Variants in IQCN observed in about 807,000 individuals in gnomAD.
IQCN encodes IQ domain-containing protein N.
Under a neutral mutation model 64.4 loss-of-function variants are expected in IQCN, and 46 were observed. That is an observed-to-expected ratio of 0.71 (90% confidence interval 0.56 to 0.91). IQCN has a LOEUF of 0.91. IQCN is among the 40% of genes least tolerant of loss of function. The probability of loss-of-function intolerance (pLI) is 0.00; values close to 1 mark genes in which losing one functional copy is unlikely to be tolerated. For missense variants in IQCN, 1,753 were observed against 1,857.4 expected (o/e 0.94, Z 1.03); for synonymous variants, 733 against 775.6 (o/e 0.95, Z 0.91).
Position 18,264,446 on chromosome 19 carries a change from C to T in IQCN, c.3094G>A (p.Ala1032Thr). 6.4e-7 allele frequency: 1 copy of T among 1,550,704 alleles called. No individual in the cohort carries two copies. The highest frequency in any genetic ancestry group is 8.7e-7 in the Non-Finnish European group (1 of 1,146,640). ...STGSGVTKTPALVKVACRRSP... is the reference protein window; with the variant it reads ...STGSGVTKTPTLVKVACRRSP... ...CTCCTGCAGGCCACCTTCACCAGGG[C>T]CGGCGTCTTAGTCACCCCGCTTCCT... The change falls in exon 3 of 4, where the codon GCC (alanine) becomes ACC (threonine). Residue 1032 changes from alanine to threonine, a missense_variant. Coordinates refer to ENST00000392413, the MANE Select transcript of IQCN (RefSeq NM_001145304.2). The surrounding 1 kb of genome is among the most constrained non-coding windows in gnomAD (Gnocchi z 4.3).
chr19:18,272,768 G>A (rs931422403), intron 1 of IQCN, among the ~76,000 whole-genome samples: 2 of 151,418 alleles, frequency 1.3e-5, no homozygotes, highest in Non-Finnish European at 2.9e-5. Context: ...CTGCCACCAC[G>A]CCCAGTTAAT....
chr19:18,266,211 C>G lies in IQCN; in HGVS notation c.1329G>C (p.Gln443His). ...LLASIMKSLP[Q>H]VCPGPAMAKT... Reference sequence around the variant, plus strand: ...TTGCCATCGCAGGCCCCGGGCATACCTGGGGCAGGCTCTTCATGATGGAAG... The same window carrying G: ...TTGCCATCGCAGGCCCCGGGCATACGTGGGGCAGGCTCTTCATGATGGAAG... The change falls in exon 3 of 4, where the codon CAG (glutamine) becomes CAC (histidine). Residue 443 changes from glutamine (Q) to histidine (H), a missense_variant. By Grantham distance (24) the Gln-to-His change is conservative. Transcript: ENST00000392413. This position sits in a 1 kb window ranked among gnomAD's most constrained non-coding sequence, Gnocchi z 4.3. 1.2e-6 allele frequency: 2 copies of G among 1,613,972 alleles called. No individual in the cohort carries two copies. Among genetic ancestry groups the G allele is most frequent in the Non-Finnish European group, 1.7e-6 (2 of 1,179,976 alleles).
At chr19:18,274,089 G>C (rs1184718700) in intron 1 of IQCN, among the ~76,000 whole-genome samples, 1 of 152,054 alleles carries the variant, frequency 6.6e-6, no homozygotes, top group African/African-American at 2.4e-5. Context: ...TGGGCAACAT[G>C]TCTCTATTTA....
chr19:18,264,683 C>T lies in IQCN; in HGVS notation c.2857G>A (p.Ala953Thr). 1 of 1,551,282 alleles carries T rather than the reference C, an allele frequency of 6.4e-7. No homozygotes were observed. The highest frequency in any genetic ancestry group is 8.7e-7 in the Non-Finnish European group (1 of 1,146,976). The change falls in exon 3 of 4, where the codon GCC (alanine) becomes ACC (threonine). Residue 953 changes from alanine (A) to threonine (T), a missense_variant. Ala to Thr is a moderately conservative substitution (Grantham distance 58). Transcript: ENST00000392413. This position sits in a 1 kb window ranked among gnomAD's most constrained non-coding sequence, Gnocchi z 4.3. ...GCCCGCAGCTCGCCCCGGGACAGGG[C>T]TCGGGACAGGGTCAGGCGCAGCTCA... ...WSELRLTLSRALSRGELRAEL... is the reference protein window; with the variant it reads ...WSELRLTLSRTLSRGELRAEL...
At position 18,265,621 on chromosome 19, in the gene IQCN, T is replaced by C; in HGVS notation, c.1919A>G (p.Glu640Gly). ...GAPSWTKVAE[E>G]GDKPPHVYVP... is the part of the protein sequence containing the mutation. Reference sequence around the variant, plus strand: ...ATACACGTGAGGTGGCTTGTCCCCTTCCTCAGCAACTTTTGTCCAGGATGG... The same window carrying C: ...ATACACGTGAGGTGGCTTGTCCCCTCCCTCAGCAACTTTTGTCCAGGATGG... Residue 640 changes from glutamate to glycine, a missense_variant, in exon 3 of 4, where the codon GAA becomes GGA. Physicochemically the swap from Glu to Gly is moderately conservative, Grantham distance 98 (BLOSUM62 -2). Coordinates refer to ENST00000392413, the MANE Select transcript of IQCN (RefSeq NM_001145304.2). The surrounding 1 kb of genome is among the most constrained non-coding windows in gnomAD (Gnocchi z 4.7). 6.2e-7 allele frequency: 1 copy of C among 1,614,076 alleles called. No individual in the cohort carries two copies. Among genetic ancestry groups the C allele is most frequent in the African/African-American group, 1.3e-5 (1 of 75,022 alleles).
chr19:18,264,647 T>A lies in IQCN; in HGVS notation c.2893A>T (p.Lys965Ter). ...SRGELRAELT[K>*]VMQGKLAEVL... ...TCGGCCAATTTACCCTGCATGACCT[T>A]GGTGAGTTCCGCCCGCAGCTCGCCC... The change falls in exon 3 of 4, where the codon AAG becomes TAG. Residue 965 changes from lysine to a stop codon, truncating the protein, a stop_gained. Coordinates refer to ENST00000392413, the MANE Select transcript of IQCN (RefSeq NM_001145304.2). LOFTEE classifies it high-confidence loss of function. This position sits in a 1 kb window ranked among gnomAD's most constrained non-coding sequence, Gnocchi z 4.3. 2 of 1,551,322 alleles carry A rather than the reference T, an allele frequency of 1.3e-6. No individual in the cohort carries two copies. The highest frequency in any genetic ancestry group is 1.7e-6 in the Non-Finnish European group (2 of 1,146,954).
chr19:18,269,291 AGAAG>A (rs1969681871), intron 2 of IQCN, among the ~76,000 whole-genome samples, 171 bp downstream of exon 2: 1 of 152,136 alleles, frequency 6.6e-6, no homozygotes, highest in South Asian at 2.1e-4. Context: ...AAGGATGGAA[AGAAG>A]GAAGAAAAAG....
rs541126673 is a variant in IQCN, at chr19:18,266,486, G to A, written c.1054C>T (p.Gln352Ter). The change falls in exon 3 of 4, where the codon CAG becomes TAG. Residue 352 changes from glutamine (Q) to a stop codon, truncating the protein, a stop_gained. Coordinates refer to ENST00000392413, the MANE Select transcript of IQCN (RefSeq NM_001145304.2). LOFTEE classifies it high-confidence loss of function. The surrounding 1 kb of genome is among the most constrained non-coding windows in gnomAD (Gnocchi z 4.3). ...TYPVVSVTLPQTYPASTMTTT... is the reference protein window; with the variant it reads ...TYPVVSVTLP ...GTCATCGTGGACGCTGGATATGTCT[G>A]TGGCAGGGTCACGGAGACCACTGGA... The A allele has an allele frequency of 6.3e-7, 1 of 1,595,918 alleles. No individual in the cohort carries two copies. Among genetic ancestry groups the A allele is most frequent in the Non-Finnish European group, 8.5e-7 (1 of 1,170,396 alleles).
chr19:18,264,999 C>G lies in IQCN; in HGVS notation c.2541G>C (p.Glu847Asp). The stretch of plus-strand genomic sequence containing the variant: ...GTGTGGCTCCGTTGTCTCCCCAGGA[C>G]TCAACGTTGCATGTGGAATGGCCGG... ...APTGHSTCNV[E>D]SWGDNGATRA... Residue 847 changes from glutamate to aspartate, a missense_variant, in exon 3 of 4, where the codon GAG becomes GAC. Physicochemically the swap from Glu to Asp is conservative, Grantham distance 45. Coordinates refer to ENST00000392413, the MANE Select transcript of IQCN (RefSeq NM_001145304.2). The surrounding 1 kb of genome is among the most constrained non-coding windows in gnomAD (Gnocchi z 4.3). 6.2e-7 allele frequency: 1 copy of G among 1,605,572 alleles called. No homozygotes were observed. Among genetic ancestry groups the G allele is most frequent in the Non-Finnish European group, 8.5e-7 (1 of 1,179,866 alleles).
rs765627790 is a variant in IQCN, at chr19:18,264,446, C to A, written c.3094G>T (p.Ala1032Ser). The A allele has an allele frequency of 2.2e-5, 34 of 1,550,586 alleles. No individual in the cohort carries two copies. Among genetic ancestry groups the A allele is most frequent in the Non-Finnish European group, 3.5e-6 (4 of 1,146,648 alleles). The change falls in exon 3 of 4, where the codon GCC (alanine) becomes TCC (serine). Residue 1032 changes from alanine to serine, a missense_variant. Coordinates refer to ENST00000392413, the MANE Select transcript of IQCN (RefSeq NM_001145304.2). This position sits in a 1 kb window ranked among gnomAD's most constrained non-coding sequence, Gnocchi z 4.3. ...STGSGVTKTP[A>S]LVKVACRRSP... ...CTCCTGCAGGCCACCTTCACCAGGG[C>A]CGGCGTCTTAGTCACCCCGCTTCCT...
Position 18,257,360 on chromosome 19 carries a change from C to G in IQCN, c.3924G>C (p.Gln1308His). Residue 1308 changes from glutamine to histidine, a missense_variant, in exon 4 of 4, where the codon CAG (glutamine) becomes CAC (histidine). By Grantham distance (24) the Gln-to-His change is conservative. Coordinates refer to ENST00000392413, the MANE Select transcript of IQCN (RefSeq NM_001145304.2). ...HRQDKAATAI[Q>H]SAWRGFKIRQ... ...GGATCTTAAAGCCCCTCCAGGCGGA[C>G]TGGATGGCTGTGGCCGCTTTGTCCT... 1 of 1,612,292 alleles carries G rather than the reference C, an allele frequency of 6.2e-7. No individual in the cohort carries two copies. The highest frequency in any genetic ancestry group is 1.7e-5 in the Admixed American group (1 of 59,982).
chr19:18,257,434 C>A lies in IQCN; in HGVS notation c.3850G>T (p.Ala1284Ser). Residue 1284 changes from alanine (A) to serine (S), a missense_variant, in exon 4 of 4, where the codon GCC becomes TCC. Transcript: ENST00000392413. ...GTEGPGAVSW[A>S]SAYQLAALSP... ...AGGGCAGCCAGCTGGTAGGCGGAGG[C>A]CCAAGACACTGCCCCGGGGCCCTCA... is the stretch of plus-strand genomic sequence containing the variant. 1.2e-6 allele frequency: 2 copies of A among 1,609,590 alleles called. No individual in the cohort carries two copies. The highest frequency in any genetic ancestry group is 1.7e-6 in the Non-Finnish European group (2 of 1,179,100).
In IQCN at chr19:18,257,773, G is replaced by T; in HGVS notation, c.3511C>A (p.Arg1171Ser). ...TGGTCCCGGCGGGTGCTGTAGCCGC[G>T]CCAGGCAGACTGGATGGTCGTGGTG... is the stretch of plus-strand genomic sequence containing the variant. ...RATTTIQSAW[R>S]GYSTRRDQAR... The change falls in exon 4 of 4, where the codon CGC becomes AGC. Residue 1171 changes from arginine to serine, a missense_variant. Transcript: ENST00000392413. The T allele has an allele frequency of 3.7e-6, 6 of 1,610,984 alleles. No individual in the cohort carries two copies. The South Asian group carries it at 4.4e-5, about 12-fold the overall frequency.
Position 18,265,821 on chromosome 19 carries a change from G to A in IQCN, c.1719C>T (p.Ser573=), listed in dbSNP as rs1568279669. The change falls in exon 3 of 4, where the codon TCC becomes TCT. Residue 573 remains serine, a synonymous_variant. Coordinates refer to ENST00000392413, the MANE Select transcript of IQCN (RefSeq NM_001145304.2). The surrounding 1 kb of genome is among the most constrained non-coding windows in gnomAD (Gnocchi z 4.7). ...AAKVVKASSP[S]YLAEGKIRCL... The stretch of plus-strand genomic sequence containing the variant: ...ACCTGATCTTCCCCTCAGCCAAATA[G>A]GAGGGGGATGAGGCTTTCACCACCT... 1.2e-5 allele frequency: 19 copies of A among 1,614,182 alleles called. No individual in the cohort carries two copies. The highest frequency in any genetic ancestry group is 1.6e-5 in the Non-Finnish European group (19 of 1,180,034).
Position 18,267,246 on chromosome 19 carries a change from C to CTCG in IQCN, c.291_293dup (p.Asp97dup), listed in dbSNP as rs1432666347. The CTCG allele has an allele frequency of 5.6e-6, 9 of 1,614,156 alleles. No individual in the cohort carries two copies. The highest frequency in any genetic ancestry group is 7.6e-6 in the Non-Finnish European group (9 of 1,180,064). On this transcript the variant is annotated inframe_insertion, in exon 3 of 4. Transcript: ENST00000392413. ...CTGCACGGGCGTGCATCATGTCCAT[C>CTCG]TCGTCTACCAGGATGTTCTTGAAGG...
At chr19:18,271,373 G>A (rs1287947299) in intron 1 of IQCN, among the ~76,000 whole-genome samples, 1 of 151,500 alleles carries the variant, frequency 6.6e-6, no homozygotes, top group Non-Finnish European at 1.5e-5. Context: ...AGGAGGCTGA[G>A]GCGGGAGAAT....
chr19:18,266,806 A>T lies in IQCN; in HGVS notation c.734T>A (p.Ile245Asn). 1 of 1,614,114 alleles carries T rather than the reference A, an allele frequency of 6.2e-7. No homozygotes were observed. The highest frequency in any genetic ancestry group is 8.5e-7 in the Non-Finnish European group (1 of 1,180,014). Residue 245 changes from isoleucine (I) to asparagine (N), a missense_variant, in exon 3 of 4, where the codon ATC (isoleucine) becomes AAC (asparagine). Transcript: ENST00000392413. This position sits in a 1 kb window ranked among gnomAD's most constrained non-coding sequence, Gnocchi z 4.3. ...CAGACTCACTGGGCAGGGAAATCTG[A>T]TGGTGACCGTCTGGTGTGGCAGGAA... ...LAFLPHQTVT[I>N]RFPCPVSLDA...
At position 18,265,595 on chromosome 19, in the gene IQCN, C is replaced by T. The variant is rs1469173128; in HGVS notation, c.1945G>A (p.Val649Met). Residue 649 changes from valine (V) to methionine (M), a missense_variant, in exon 3 of 4, where the codon GTG becomes ATG. Transcript: ENST00000392413. This position sits in a 1 kb window ranked among gnomAD's most constrained non-coding sequence, Gnocchi z 4.7. ...AGGGTGACAGCCATGTCTACAGGCA[C>T]ATACACGTGAGGTGGCTTGTCCCCT... Reference protein sequence around the residue: ...EEGDKPPHVYVPVDMAVTLPR... With the variant: ...EEGDKPPHVYMPVDMAVTLPR... The T allele has an allele frequency of 1.9e-6, 3 of 1,613,540 alleles. No homozygotes were observed. The highest frequency in any genetic ancestry group is 2.7e-5 in the African/African-American group (2 of 74,928).
Position 18,266,324 on chromosome 19 carries a change from G to A in IQCN, c.1216C>T (p.His406Tyr), listed in dbSNP as rs775567921. ...GTGCCAGTTCTGGAGGCTGTGGGGT[G>A]TACCTGGATCTTGGTCATTGTGGGC... Reference protein sequence around the residue: ...PMPTMTKIQVHPTASRTGTPR... With the variant: ...PMPTMTKIQVYPTASRTGTPR... Residue 406 changes from histidine (H) to tyrosine (Y), a missense_variant, in exon 3 of 4, where the codon CAC (histidine) becomes TAC (tyrosine). His to Tyr is a moderately conservative substitution (Grantham distance 83, BLOSUM62 2). Coordinates refer to ENST00000392413, the MANE Select transcript of IQCN (RefSeq NM_001145304.2). This position sits in a 1 kb window ranked among gnomAD's most constrained non-coding sequence, Gnocchi z 4.3. 1.4e-5 allele frequency: 22 copies of A among 1,613,490 alleles called. No individual in the cohort carries two copies. The East Asian group carries it at 2.0e-4, about 15-fold the overall frequency.
Sources: gnomAD v4.1 joint callset for allele counts (sites outside exome capture counted in the v4.1 genomes callset) on GRCh38, gnomAD v4.1.1 for gene constraint, Gnocchi (gnomAD v3.1) non-coding constraint, MANE v1.5 for transcripts, NCBI Gene and HGNC (gene_info 2026-07-23, HGNC 2026-07-21) for gene names.